NEK5: variants seen among roughly 807,000 people sequenced by gnomAD.
NEK5 encodes serine/threonine-protein kinase Nek5.
In NEK5, 88 loss-of-function variants were observed where a neutral mutation model predicts 109.2. The ratio of observed to expected loss-of-function variants is 0.81; its 90% confidence interval spans 0.68 to 0.96. The LOEUF is 0.96. NEK5 is among the 40% of genes least tolerant of loss of function. NEK5 has a pLI of 0.00. For synonymous variants in NEK5, 283 were observed against 299.9 expected (o/e 0.94, Z 0.58); for missense variants, 834 against 920.7 (o/e 0.91, Z 1.22).
intron 22 of NEK5, among the ~76,000 whole-genome samples, chr13:52,059,833 T>C (rs902027050): frequency 8.6e-5 from 13 of 151,912 alleles, no homozygotes; most frequent in African/African-American, 1.7e-4. Flanking sequence ...AGGGATAGCA[T>C]TGGGAGATAT....
chr13:52,042,933 A>T (rs561718247), intron 23 of NEK5, among the ~76,000 whole-genome samples: 78 of 152,242 alleles, frequency 5.1e-4, no homozygotes, highest in African/African-American at 1.5e-3. Context: ...TGAAATCCAA[A>T]TTTGTCAACA....
At chr13:52,076,460 A>G (rs981413929) in intron 17 of NEK5, among the ~76,000 whole-genome samples, 1 of 152,326 alleles carries the variant, frequency 6.6e-6, no homozygotes, top group Non-Finnish European at 1.5e-5. Flanking sequence ...CTTAATCAGG[A>G]AAATAAGCAA....
chr13:52,118,460 C>T (rs2138108652), intron 4 of NEK5, among the ~76,000 whole-genome samples: 2 of 152,290 alleles, frequency 1.3e-5, no homozygotes, highest in East Asian at 3.9e-4. Flanking sequence ...ATTCCTGACA[C>T]CTAGAACAAT....
chr13:52,042,353 C>A (rs1954421703), intron 23 of NEK5, among the ~76,000 whole-genome samples: 1 of 150,440 alleles, frequency 6.6e-6, no homozygotes, highest in Non-Finnish European at 1.5e-5. Flanking sequence ...AAGTGAGTTA[C>A]ATTTGAGAAT....
chr13:52,068,981 C>G (rs78850660), intron 20 of NEK5, among the ~76,000 whole-genome samples: 1 of 136,896 alleles, frequency 7.3e-6, no homozygotes, highest in Non-Finnish European at 1.6e-5. Context: ...AAAAAAAAAA[C>G]AAAAAAAGAA....
intron 3 of NEK5, among the ~76,000 whole-genome samples, chr13:52,123,219 T>C (rs1410975982): frequency 6.6e-6 from 1 of 152,168 alleles, no homozygotes; most frequent in Non-Finnish European, 1.5e-5. Flanking sequence ...ATGTTAATAT[T>C]GTGACACAGA....
At chr13:52,101,132 C>T (rs1455072065) in intron 11 of NEK5, among the ~76,000 whole-genome samples, 1 of 152,226 alleles carries the variant, frequency 6.6e-6, no homozygotes, top group African/African-American at 2.4e-5. Flanking sequence ...GGCGCGGTGG[C>T]TCACGCCTGT....
At chr13:52,089,964 AAAAAAAAG>A (rs1480283935) in intron 13 of NEK5, among the ~76,000 whole-genome samples, 2 of 151,982 alleles carry the variant, frequency 1.3e-5, no homozygotes, top group Non-Finnish European at 2.9e-5. Flanking sequence ...TCCATCTCAA[AAAAAAAAG>A]AAAAAAAGAA....
At chr13:52,080,266 G>T (rs1315211818) in intron 17 of NEK5, among the ~76,000 whole-genome samples, 2 of 129,494 alleles carry the variant, frequency 1.5e-5, no homozygotes, top group Non-Finnish European at 3.5e-5. Context: ...GGAGGGAGGT[G>T]GGGGGGGGTC....
intron 23 of NEK5, among the ~76,000 whole-genome samples, chr13:52,038,336 C>CA (rs1566721863): frequency 6.6e-6 from 1 of 151,602 alleles, no homozygotes; most frequent in African/African-American, 2.4e-5. Flanking sequence ...CAAAACGGAA[C>CA]AAAAAAAGTG....
Position 52,035,112 on chromosome 13 carries a change from C to G in NEK5, c.*1836G>C, listed in dbSNP as rs1232075135. On this transcript the variant is annotated 3_prime_UTR_variant, in exon 24 of 24. Transcript: ENST00000684899. ...TACTCCAATCTCTCAGGCCATGTGT[C>G]AGTTGGAAACTAACACAATGGTGAG... 2.0e-5 allele frequency: 3 copies of G among 151,996 alleles called. No individual in the cohort carries two copies. In the East Asian group the frequency reaches 5.8e-4, roughly 29 times the overall value. The allele number at this position is 151,996 out of a possible 1,614,324, so 9.4% of individuals were successfully genotyped here. A position where few individuals can be genotyped will look rare whatever the true frequency, so the allele number is the denominator to read the frequency against.
At chr13:52,083,779 G>A (rs1023852980) in intron 16 of NEK5, among the ~76,000 whole-genome samples, 34 of 152,166 alleles carry the variant, frequency 2.2e-4, no homozygotes, top group Admixed American at 1.2e-3. Context: ...CTCGTGATCC[G>A]CCCACCTCAG....
chr13:52,080,790 A>T (rs1014524232), intron 17 of NEK5, among the ~76,000 whole-genome samples: 2 of 151,918 alleles, frequency 1.3e-5, no homozygotes, highest in African/African-American at 2.4e-5. Context: ...GGAAAACCAG[A>T]GACCTTTGTT....
chr13:52,112,309 T>C lies in NEK5; in HGVS notation c.271A>G (p.Arg91Gly). The change falls in exon 5 of 24, where the codon AGG becomes GGG. Residue 91 changes from arginine (R) to glycine (G), a missense_variant. Coordinates refer to ENST00000684899, the MANE Select transcript of NEK5 (RefSeq NM_001365552.1). ...AACACACCCCGTTGTCTATTGATCCTTTTCATGAGATCCCCTCCATCACAA... is the reference window on the plus strand; with the variant it reads ...AACACACCCCGTTGTCTATTGATCCCTTTCATGAGATCCCCTCCATCACAA... ...EYCDGGDLMK[R>G]INRQRGVLFS... The C allele has an allele frequency of 6.2e-7, 1 of 1,611,424 alleles. No homozygotes were observed. The highest frequency in any genetic ancestry group is 8.5e-7 in the Non-Finnish European group (1 of 1,177,724).
intron 16 of NEK5, among the ~76,000 whole-genome samples, chr13:52,084,762 A>AGAGAGAGTGTGTGT (rs1228944662): frequency 4.2e-5 from 2 of 47,384 alleles, no homozygotes; most frequent in African/African-American, 1.5e-4. Flanking sequence ...AGAGAGAGAG[A>AGAGAGAGTGTGTGT]GTGTGTGTGT....
intron 3 of NEK5, among the ~76,000 whole-genome samples, 195 bp downstream of exon 3, chr13:52,127,171 A>G (rs1956079525): frequency 6.6e-6 from 1 of 152,252 alleles, no homozygotes; most frequent in Admixed American, 6.5e-5. Flanking sequence ...GGGGTGAGCC[A>G]GTGCGTCCAG....
chr13:52,054,388 A>G (rs1394899555), intron 22 of NEK5, among the ~76,000 whole-genome samples: 2 of 152,230 alleles, frequency 1.3e-5, no homozygotes, highest in Admixed American at 6.5e-5. Flanking sequence ...CAGCACAATC[A>G]TGGCTCATGG....
intron 22 of NEK5, among the ~76,000 whole-genome samples, chr13:52,055,959 A>C (rs1954550859): frequency 6.6e-6 from 1 of 152,020 alleles, no homozygotes; most frequent in Admixed American, 6.6e-5. Context: ...ATTAACTTTA[A>C]ATGTAAATGG....
chr13:52,100,905 T>A (rs1480583188), intron 11 of NEK5, among the ~76,000 whole-genome samples: 1 of 152,234 alleles, frequency 6.6e-6, no homozygotes, highest in Non-Finnish European at 1.5e-5. Context: ...AATCTCTGTC[T>A]CAATGGATAA....
Sources: allele counts gnomAD v4.1 joint callset (sites outside exome capture counted in the v4.1 genomes callset), GRCh38; gene constraint gnomAD v4.1.1; transcripts MANE v1.5; gene names NCBI Gene and HGNC (gene_info 2026-07-23, HGNC 2026-07-21).